Variants in EXOC4 observed in about 807,000 individuals in gnomAD.
EXOC4 encodes the protein exocyst complex component 4.
Under a neutral mutation model 107.2 loss-of-function variants are expected in EXOC4, and 71 were observed. The ratio of observed to expected loss-of-function variants is 0.66; its 90% CI spans 0.55 to 0.81. EXOC4 has a LOEUF of 0.81. Among genes scored for constraint, EXOC4 ranks in the 30% least tolerant of loss-of-function variants. The probability of loss-of-function intolerance (pLI) is 0.00; values close to 1 mark genes in which losing one functional copy is unlikely to be tolerated. For missense variants in EXOC4, 1,108 were observed against 1,189.6 expected (o/e 0.93, Z 1.01); for synonymous variants, 456 against 441.2 (o/e 1.03, Z -0.42).
intron 10 of EXOC4, among the ~76,000 whole-genome samples, chr7:133,704,711 A>G (rs892170683): frequency 5.3e-5 from 8 of 152,102 alleles, no homozygotes; most frequent in Admixed American, 6.5e-5. Flanking sequence ...AGCTGAAGGG[A>G]AGAAAAAAAT....
intron 7 of EXOC4, among the ~76,000 whole-genome samples, chr7:133,416,392 C>T (rs988964724): frequency 7.2e-5 from 11 of 152,182 alleles, no homozygotes; most frequent in African/African-American, 2.4e-4. Context: ...TACTTTCTCT[C>T]TTTCCTCTCT....
chr7:133,308,326 A>G (rs1328826290), intron 4 of EXOC4, among the ~76,000 whole-genome samples: 1 of 152,180 alleles, frequency 6.6e-6, no homozygotes, highest in African/African-American at 2.4e-5. Flanking sequence ...GGTCTTTTAG[A>G]AAGTGACTAA....
Position 133,630,107 on chromosome 7 carries a change from A to G in EXOC4, c.1480A>G (p.Arg494Gly). 1.2e-6 allele frequency: 2 copies of G among 1,613,958 alleles called. No individual in the cohort carries two copies. Among genetic ancestry groups the G allele is most frequent in the Non-Finnish European group, 1.7e-6 (2 of 1,179,864 alleles). The change falls in exon 10 of 18, where the codon AGA becomes GGA. Residue 494 changes from arginine to glycine, a missense_variant. Physicochemically the swap from Arg to Gly is moderately radical, Grantham distance 125. Coordinates refer to ENST00000253861, the MANE Select transcript of EXOC4 (RefSeq NM_021807.4). ...GTKFVCKPGARNITVIFHPLL... is the reference protein window; with the variant it reads ...GTKFVCKPGAGNITVIFHPLL... Reference sequence around the variant, plus strand: ...AAAATTTGTCTGCAAACCTGGAGCCAGAAACATTACCGTCATATTCCACCC... The same window carrying G: ...AAAATTTGTCTGCAAACCTGGAGCCGGAAACATTACCGTCATATTCCACCC...
intron 10 of EXOC4, among the ~76,000 whole-genome samples, chr7:133,683,606 T>C (rs1794233339): frequency 6.6e-6 from 1 of 152,126 alleles, no homozygotes; most frequent in African/African-American, 2.4e-5. Context: ...TGAAAATAAT[T>C]TCTAGTAAAG....
intron 10 of EXOC4, among the ~76,000 whole-genome samples, chr7:133,730,614 C>T (rs1032256780): frequency 2.0e-5 from 3 of 152,130 alleles, no homozygotes; most frequent in Non-Finnish European, 4.4e-5. Context: ...CATTAATCTT[C>T]TGTCTCTCCT....
intron 1 of EXOC4, among the ~76,000 whole-genome samples, chr7:133,262,866 C>CAA (rs4036483): frequency 0.32 from 48,989 of 151,934 alleles, 8,992 homozygotes; most frequent in African/African-American, 0.51. Context: ...TGTCCTCACC[C>CAA]AAATCTCATC....
chr7:133,785,511 A>G (rs1432316680), intron 10 of EXOC4, among the ~76,000 whole-genome samples: 1 of 152,182 alleles, frequency 6.6e-6, no homozygotes, highest in Non-Finnish European at 1.5e-5. Context: ...TGACTTGGAC[A>G]AAAACTACCA....
chr7:133,882,093 C>G (rs1368653412), intron 11 of EXOC4, among the ~76,000 whole-genome samples: 1 of 152,164 alleles, frequency 6.6e-6, no homozygotes, highest in East Asian at 1.9e-4. Context: ...ATAAGTGAGA[C>G]CAAACAGTAT....
chr7:133,747,602 A>C (rs939121530), intron 10 of EXOC4, among the ~76,000 whole-genome samples: 6 of 152,170 alleles, frequency 3.9e-5, no homozygotes, highest in African/African-American at 7.2e-5. Flanking sequence ...ATAATTTGTG[A>C]ATTGATTTTG....
intron 9 of EXOC4, among the ~76,000 whole-genome samples, chr7:133,605,382 G>A (rs1440511824): frequency 2.0e-5 from 3 of 151,848 alleles, no homozygotes; most frequent in Non-Finnish European, 4.4e-5. Context: ...ATAGGAAACC[G>A]CTATTCATTA....
At chr7:133,751,971 T>C (rs1273505750) in intron 10 of EXOC4, among the ~76,000 whole-genome samples, 1 of 119,470 alleles carries the variant, frequency 8.4e-6, no homozygotes, top group African/African-American at 2.6e-5. Flanking sequence ...ATAGTGAGAC[T>C]ATCTCTCTAC....
rs1799119380 is a variant in EXOC4 at position 133,480,152 on chromosome 7, C to T, written c.1417+14C>T. 1 of 1,612,720 alleles carries T rather than the reference C, an allele frequency of 6.2e-7. No individual in the cohort carries two copies. The highest frequency in any genetic ancestry group is 1.1e-5 in the South Asian group (1 of 91,038). On this transcript the variant is annotated intron_variant, in intron 9 of 17. Transcript: ENST00000253861. ...GAGAACTGCAAGGTGAGTGATTGAG[C>T]TTCTCTGGAAAAATTAATTTTCTGG...
rs1436460182 is a variant in EXOC4 at position 134,023,950 on chromosome 7, C to T, written c.2687+16115C>T. ...GGAATGACCACAGTCATTGATGGGC[C>T]CAACACAGGCATGAAGTGGTGTAAG... On this transcript the variant is annotated intron_variant, in intron 17 of 17. Coordinates refer to ENST00000253861, the MANE Select transcript of EXOC4 (RefSeq NM_021807.4). Among the ~76,000 whole-genome samples the T allele has an allele frequency of 2.0e-5, 3 of 152,110 alleles. No homozygotes were observed. In the East Asian group the frequency reaches 5.8e-4, roughly 29 times the overall value.
chr7:133,255,372 T>A (rs1319914787), intron 1 of EXOC4, among the ~76,000 whole-genome samples: 2 of 152,146 alleles, frequency 1.3e-5, no homozygotes, highest in Non-Finnish European at 2.9e-5. Flanking sequence ...ATACAGGGTT[T>A]CACCATATTG....
chr7:133,593,380 T>C (rs539294674), intron 9 of EXOC4, among the ~76,000 whole-genome samples: 1 of 152,310 alleles, frequency 6.6e-6, no homozygotes, highest in African/African-American at 2.4e-5. Context: ...CAGTAATCCT[T>C]ACCCAGCAGG....
intron 15 of EXOC4, among the ~76,000 whole-genome samples, chr7:134,002,460 A>G (rs1453344080): frequency 6.6e-6 from 1 of 152,198 alleles, no homozygotes; most frequent in African/African-American, 2.4e-5. Context: ...CCAAAAATAA[A>G]AAAGTTATAA....
chr7:133,887,043 C>T (rs1344923275), intron 11 of EXOC4, among the ~76,000 whole-genome samples: 3 of 152,186 alleles, frequency 2.0e-5, no homozygotes, highest in Non-Finnish European at 2.9e-5. Context: ...AGAGGCTCTG[C>T]ACTGAGCACA....
intron 10 of EXOC4, among the ~76,000 whole-genome samples, chr7:133,798,501 A>G (rs1239412998): frequency 6.7e-6 from 1 of 149,438 alleles, no homozygotes; most frequent in Non-Finnish European, 1.5e-5. Flanking sequence ...ACCATATTTC[A>G]GACACTGTTT....
chr7:133,478,287 A>G (rs1799067730), intron 8 of EXOC4, among the ~76,000 whole-genome samples: 1 of 151,296 alleles, frequency 6.6e-6, no homozygotes. Context: ...ACATTTAGCC[A>G]GTGCTTCTGA....
Sources: allele counts gnomAD v4.1 joint callset (sites outside exome capture counted in the v4.1 genomes callset), GRCh38; gene constraint gnomAD v4.1.1; transcripts MANE v1.5; gene names NCBI Gene and HGNC (gene_info 2026-07-23, HGNC 2026-07-21).